Variants in DMD observed in about 807,000 individuals in gnomAD.
The protein encoded by DMD is mutant dystrophin.
Under a neutral mutation model 330.1 loss-of-function variants are expected in DMD, and 63 were observed. That is an observed-to-expected ratio of 0.19 (90% confidence interval 0.16 to 0.24). The LOEUF is 0.24. DMD is among the 10% of genes least tolerant of loss of function. The probability of loss-of-function intolerance (pLI) is 1.00; values close to 1 mark genes in which losing one functional copy is unlikely to be tolerated. For synonymous variants in DMD, 1,223 were observed against 959.8 expected (o/e 1.27, Z -5.07); for missense variants, 3,344 against 2,684.1 (o/e 1.25, Z -5.43).
At chrX:31,636,337 T>A (rs752649111) in intron 54 of DMD, among the ~76,000 whole-genome samples, 237 of 111,989 alleles carry the variant, frequency 2.1e-3, no homozygotes, top group Non-Finnish European at 3.7e-3. Context: ...GCTCCTGAAC[T>A]TAAAATAAAA....
chrX:32,071,380 G>A (rs953195599), intron 44 of DMD, among the ~76,000 whole-genome samples: 3 of 108,642 alleles, frequency 2.8e-5, no homozygotes, highest in Non-Finnish European at 5.7e-5. Context: ...ATGGTACCTC[G>A]TGGTTTTCTC....
chrX:32,410,900 A>G (rs2098139048), intron 30 of DMD, among the ~76,000 whole-genome samples: 1 of 112,094 alleles, frequency 8.9e-6, no homozygotes, highest in Admixed American at 9.5e-5. Flanking sequence ...CATTCTAGAA[A>G]AACAGGTAAA....
chrX:31,551,044 G>T (rs1360333613), intron 55 of DMD, among the ~76,000 whole-genome samples: 1 of 110,747 alleles, frequency 9.0e-6, no homozygotes, highest in Non-Finnish European at 1.9e-5. Flanking sequence ...GTTGGGTGTG[G>T]TGGCGCATGC....
At chrX:32,386,279 A>G (rs756284444) in intron 33 of DMD, 31 bp downstream of exon 33, 3 of 1,205,676 alleles carry the variant, frequency 2.5e-6, no homozygotes, top group South Asian at 3.5e-5. Flanking sequence ...GAAAGTGGAA[A>G]GAAGTGTTTG....
At chrX:31,885,846 T>A (rs1435540101) in intron 47 of DMD, among the ~76,000 whole-genome samples, 1 of 110,470 alleles carries the variant, frequency 9.1e-6, no homozygotes, top group Non-Finnish European at 1.9e-5. Context: ...ATTTTGAAAA[T>A]TAAAACATTA....
intron 43 of DMD, among the ~76,000 whole-genome samples, chrX:32,220,450 C>T (rs1569551570): frequency 1.8e-5 from 2 of 111,087 alleles, no homozygotes; most frequent in Non-Finnish European, 3.8e-5. Flanking sequence ...CATGTGATGA[C>T]ACTTAATGTG....
intron 76 of DMD, among the ~76,000 whole-genome samples, chrX:31,139,727 G>T (rs1398072400): frequency 9.1e-6 from 1 of 109,834 alleles, no homozygotes; most frequent in Admixed American, 9.7e-5. Flanking sequence ...GGGGGGTGAA[G>T]GATAAAAGAC....
chrX:31,167,212 A>C (rs1385044525), intron 74 of DMD, among the ~76,000 whole-genome samples: 1 of 111,684 alleles, frequency 9.0e-6, no homozygotes, highest in East Asian at 2.8e-4. Context: ...ATTCAGTTCT[A>C]CCACTGGCTG....
chrX:33,190,943 AT>A (rs2050565627), intron 1 of DMD, among the ~76,000 whole-genome samples: 1 of 1,428 alleles, frequency 7.0e-4, no homozygotes, highest in African/African-American at 2.3e-3. Context: ...TATATATATA[AT>A]ATATAATATT....
rs749991398 is a variant in DMD, at chrX:31,124,387, G to A, written c.11046+2255C>T. 2.7e-5 allele frequency among the ~76,000 whole-genome samples: 3 copies of A among 111,804 alleles called. No individual in the cohort carries two copies. The Admixed American group carries it at 2.8e-4, about 11-fold the overall frequency. On this transcript the variant is annotated intron_variant, in intron 78 of 78. Coordinates refer to ENST00000357033, the MANE Select transcript of DMD (RefSeq NM_004006.3). Reference sequence around the variant, plus strand: ...CTAAAGAATCATACTTTAATCCGTTGGAGGGGTAAGACTGCACTGTGACAT... The same window carrying A: ...CTAAAGAATCATACTTTAATCCGTTAGAGGGGTAAGACTGCACTGTGACAT...
chrX:31,491,695 G>GT (rs2069318655), intron 57 of DMD, among the ~76,000 whole-genome samples: 1 of 111,605 alleles, frequency 9.0e-6, no homozygotes, highest in Non-Finnish European at 1.9e-5. Context: ...GCTTTGAGGA[G>GT]TGAGACTATG....
At chrX:31,504,125 C>A (rs1259044170) in intron 56 of DMD, among the ~76,000 whole-genome samples, 1 of 110,915 alleles carries the variant, frequency 9.0e-6, no homozygotes, top group Non-Finnish European at 1.9e-5. Context: ...AAGCTTTGAA[C>A]AAAAGAGTAA....
chrX:31,382,355 G>A (rs1569536101), intron 60 of DMD, among the ~76,000 whole-genome samples: 1 of 110,951 alleles, frequency 9.0e-6, no homozygotes, highest in Non-Finnish European at 1.9e-5. Context: ...CAAAAAACTT[G>A]TCATCCCTCC....
At chrX:31,697,902 A>G (rs1161340746) in intron 52 of DMD, among the ~76,000 whole-genome samples, 3 of 111,825 alleles carry the variant, frequency 2.7e-5, no homozygotes, top group Non-Finnish European at 3.8e-5. Flanking sequence ...TTTAAATGGG[A>G]AAAGTTGATT....
At position 31,918,480 on chromosome X, in the gene DMD, T is replaced by C. The variant is rs376700241; in HGVS notation, c.6912+11116A>G. Among the ~76,000 whole-genome samples the C allele has an allele frequency of 6.3e-5, 7 of 111,439 alleles. No homozygotes were observed. In the East Asian group the frequency reaches 1.7e-3, roughly 27 times the overall value. ...AACCATTAGAATATTTGAGGCCACG[T>C]TGGGAATTAACCACACGCGAACTGA... On this transcript the variant is annotated intron_variant, in intron 47 of 78. Transcript: ENST00000357033.
intron 57 of DMD, among the ~76,000 whole-genome samples, chrX:31,485,193 T>C (rs1380341922): frequency 8.9e-6 from 1 of 111,797 alleles, no homozygotes; most frequent in African/African-American, 3.2e-5. Flanking sequence ...TTATTTTTAT[T>C]TATTTATTTA....
chrX:31,614,875 A>G (rs2078114136), intron 55 of DMD, among the ~76,000 whole-genome samples: 1 of 112,381 alleles, frequency 8.9e-6, no homozygotes, highest in African/African-American at 3.2e-5. Context: ...ATTATTTTCA[A>G]TACCATTAAT....
intron 44 of DMD, among the ~76,000 whole-genome samples, chrX:32,089,554 C>T (rs746469596): frequency 9.0e-6 from 1 of 111,632 alleles, no homozygotes; most frequent in Admixed American, 9.6e-5. Flanking sequence ...TTTTCTGTTT[C>T]CATATAAGTT....
chrX:33,330,547 T>G (rs2054157271), intron 1 of DMD, among the ~76,000 whole-genome samples: 1 of 111,879 alleles, frequency 8.9e-6, no homozygotes, highest in Admixed American at 9.6e-5. Context: ...GGAAAAAGTT[T>G]CCAGGGATAG....
Sources: gnomAD v4.1 joint callset for allele counts (sites outside exome capture counted in the v4.1 genomes callset) on GRCh38, gnomAD v4.1.1 for gene constraint, MANE v1.5 for transcripts, NCBI Gene and HGNC (gene_info 2026-07-23, HGNC 2026-07-21) for gene names.